The following SAXO1 variants were observed in gnomAD, a reference collection of about 807,000 sequenced individuals.
The protein encoded by SAXO1 is stabilizer of axonemal microtubules 1, also known as 4930500O09Rik.
A neutral mutation model predicts 17.5 loss-of-function variants in SAXO1; 21 were observed. The ratio of observed to expected loss-of-function variants is 1.20; its 90% confidence interval spans 0.85 to 1.72. The LOEUF is 1.72. SAXO1 is among the 40% of genes most tolerant of loss of function. The probability of loss-of-function intolerance (pLI) is 0.00; values close to 1 mark genes in which losing one functional copy is unlikely to be tolerated. For synonymous variants in SAXO1, 274 were observed against 216.5 expected, an observed-to-expected ratio of 1.27 and a Z score of -2.33; for missense variants, 843 against 596.0, an observed-to-expected ratio of 1.41 and a Z score of -4.32.
chr9:18,989,107 T>C (rs1467680328), intron 1 of SAXO1, among the ~76,000 whole-genome samples: 1 of 152,176 alleles, frequency 6.6e-6, no homozygotes, highest in Admixed American at 6.5e-5. Context: ...GACTGATCAC[T>C]CCTATCATCT....
intron 1 of SAXO1, among the ~76,000 whole-genome samples, chr9:18,952,671 A>G (rs1004746256): frequency 2.2e-4 from 34 of 152,236 alleles, no homozygotes; most frequent in Non-Finnish European, 1.0e-4. Context: ...TTGTATTATA[A>G]AAGCAGTATT....
At chr9:18,980,457 G>A (rs1179011056) in intron 1 of SAXO1, among the ~76,000 whole-genome samples, 1 of 146,964 alleles carries the variant, frequency 6.8e-6, no homozygotes, top group Non-Finnish European at 1.5e-5. Flanking sequence ...ACTGGCATGT[G>A]ACTTCCTTCC....
At chr9:18,967,144 G>C (rs1243363875) in intron 1 of SAXO1, among the ~76,000 whole-genome samples, 2 of 152,204 alleles carry the variant, frequency 1.3e-5, no homozygotes, top group African/African-American at 4.8e-5. Context: ...GCACCTGCCA[G>C]ATGCCAGCTG....
At chr9:19,020,439 C>CAT (rs1222226958) in intron 1 of SAXO1, among the ~76,000 whole-genome samples, 3 of 152,016 alleles carry the variant, frequency 2.0e-5, no homozygotes, top group African/African-American at 7.3e-5. Context: ...GCAACCTCCG[C>CAT]CTCCAAGGCT....
At chr9:18,981,172 G>C (rs1011271390) in intron 1 of SAXO1, among the ~76,000 whole-genome samples, 3 of 152,174 alleles carry the variant, frequency 2.0e-5, no homozygotes, top group Non-Finnish European at 2.9e-5. Flanking sequence ...GTGCTTCTAG[G>C]TTATTTCTTT....
chr9:19,013,367 C>G (rs765885886), intron 1 of SAXO1, among the ~76,000 whole-genome samples: 9 of 152,128 alleles, frequency 5.9e-5, no homozygotes, highest in Non-Finnish European at 1.2e-4. Flanking sequence ...TTAGATTGCC[C>G]TCTTGTGGGA....
chr9:19,003,449 A>C (rs927790091), intron 1 of SAXO1, among the ~76,000 whole-genome samples: 19 of 152,168 alleles, frequency 1.2e-4, no homozygotes, highest in Non-Finnish European at 2.5e-4. Context: ...TATCCTAAGC[A>C]AAAAGAACAA....
chr9:19,027,325 T>C, intron 1 of SAXO1: 2 of 799,820 alleles, frequency 2.5e-6, no homozygotes, highest in Non-Finnish European at 2.3e-6. Flanking sequence ...TATCCAATCC[T>C]GGAGACACTG....
At chr9:19,046,494 G>A (rs547857387) in intron 1 of SAXO1, among the ~76,000 whole-genome samples, 23 of 152,156 alleles carry the variant, frequency 1.5e-4, no homozygotes, top group African/African-American at 5.5e-4. Flanking sequence ...TCGGCAGTTC[G>A]AGACCAGCCT....
chr9:19,029,144 C>A lies in SAXO1; in HGVS notation c.38+3727G>T, dbSNP rs746190753. Among the ~76,000 whole-genome samples the A allele has an allele frequency of 3.9e-5, 6 of 152,186 alleles. No individual in the cohort carries two copies. In the East Asian group the frequency reaches 5.8e-4, roughly 15 times the overall value. On this transcript the variant is annotated intron_variant, in intron 1 of 3. Transcript: ENST00000380534. The stretch of plus-strand genomic sequence containing the variant: ...CTCCTGCAGATGGACACCTTTTTAT[C>A]CAGGCCTCTGAGCATCTCCAGAGCC...
At chr9:18,956,646 A>C (rs1255265556) in intron 1 of SAXO1, among the ~76,000 whole-genome samples, 1 of 152,230 alleles carries the variant, frequency 6.6e-6, no homozygotes, top group Non-Finnish European at 1.5e-5. Flanking sequence ...AACTCCTCCG[A>C]ACTTCAATCT....
chr9:19,006,880 A>C (rs1457869629), intron 1 of SAXO1, among the ~76,000 whole-genome samples: 1 of 151,834 alleles, frequency 6.6e-6, no homozygotes, highest in Non-Finnish European at 1.5e-5. Context: ...CCCCGTCTCT[A>C]CTAAAAATAC....
intron 1 of SAXO1, among the ~76,000 whole-genome samples, chr9:18,969,752 T>C (rs529106619): frequency 6.6e-6 from 1 of 152,370 alleles, no homozygotes; most frequent in East Asian, 1.9e-4. Flanking sequence ...AGAGCTTTGC[T>C]ACACAGTCTT....
intron 1 of SAXO1, among the ~76,000 whole-genome samples, chr9:19,047,919 TG>T (rs1023242258): frequency 3.9e-5 from 6 of 152,016 alleles, no homozygotes; most frequent in Non-Finnish European, 7.4e-5. Context: ...AACCCCAGAA[TG>T]GTGGTGAAAG....
At chr9:18,937,677 G>A (rs886976468) in intron 3 of SAXO1, among the ~76,000 whole-genome samples, 6 of 152,102 alleles carry the variant, frequency 3.9e-5, no homozygotes, top group African/African-American at 1.2e-4. Flanking sequence ...ACTGGAGGGA[G>A]CTAGCCAAGG....
chr9:18,969,226 A>C (rs1422051041), intron 1 of SAXO1, among the ~76,000 whole-genome samples: 1 of 152,246 alleles, frequency 6.6e-6, no homozygotes, highest in African/African-American at 2.4e-5. Context: ...TGATAAATGC[A>C]GAGCCAACAA....
chr9:19,021,768 T>C (rs1382996585), intron 1 of SAXO1, among the ~76,000 whole-genome samples: 2 of 152,236 alleles, frequency 1.3e-5, no homozygotes, highest in Non-Finnish European at 2.9e-5. Context: ...ATCAGCACTC[T>C]GTAAAACTGC....
intron 1 of SAXO1, among the ~76,000 whole-genome samples, chr9:19,047,960 T>C (rs1836261621): frequency 6.6e-6 from 1 of 152,164 alleles, no homozygotes; most frequent in South Asian, 2.1e-4. Context: ...CCAGAAGAGG[T>C]AGCACCAAGG....
At chr9:18,975,216 AAGCAGGGAGAGTGCAGGCTG>A (rs1251485997) in intron 1 of SAXO1, among the ~76,000 whole-genome samples, 1 of 6,976 alleles carries the variant, frequency 1.4e-4, no homozygotes, top group Non-Finnish European at 5.2e-4. Context: ...CAGGCTGGGG[AAGCAGGGAGAGTGCAGGCTG>A]GGGAAGCAGG....
Sources: allele counts gnomAD v4.1 joint callset (sites outside exome capture counted in the v4.1 genomes callset), GRCh38; gene constraint gnomAD v4.1.1; transcripts MANE v1.5; gene names NCBI Gene and HGNC (gene_info 2026-07-23, HGNC 2026-07-21).